VIRMA: variants seen among roughly 807,000 people sequenced by gnomAD.
VIRMA encodes the protein vir like m6A methyltransferase associated.
In VIRMA, 65 loss-of-function variants were observed where a neutral mutation model predicts 182.4. The ratio of observed to expected loss-of-function variants is 0.36; its 90% CI spans 0.29 to 0.44. The LOEUF is 0.44. Ranked by LOEUF, VIRMA falls within the 20% of genes least tolerant of loss-of-function variation. The pLI, the probability that VIRMA is intolerant of heterozygous loss-of-function variation, is 1.00. For missense variants in VIRMA, 1,752 were observed against 2,158.1 expected (o/e 0.81, Z 3.73); for synonymous variants, 709 against 743.1 (o/e 0.95, Z 0.75).
In VIRMA at chr8:94,527,087, G is replaced by A. The variant is rs761631473; in HGVS notation, c.1157C>T (p.Thr386Ile). The A allele has an allele frequency of 6.2e-7, 1 of 1,614,132 alleles. No individual in the cohort carries two copies. Among genetic ancestry groups the A allele is most frequent in the Non-Finnish European group, 8.5e-7 (1 of 1,180,014 alleles). ...TTCTCTATACAAATCTAAGAGTTCTGTTAACTTCACTGAGGCTTCGATTGC... is the reference window on the plus strand; with the variant it reads ...TTCTCTATACAAATCTAAGAGTTCTATTAACTTCACTGAGGCTTCGATTGC... ...SGAIEASVKL[T>I]ELLDLYREDR... The change falls in exon 8 of 24, where the codon ACA becomes ATA. Residue 386 changes from threonine to isoleucine, a missense_variant. By Grantham distance (89) the Thr-to-Ile change is moderately conservative (BLOSUM62 -1). Around this residue, in one of 11 missense-constraint regions of VIRMA, gnomAD observed 401 missense variants for 455.1 expected, o/e 0.88. Transcript: ENST00000297591.
At chr8:94,531,234 G>A in intron 5 of VIRMA, 149 bp from the exon 6 acceptor site, 1 of 858,408 alleles carries the variant, frequency 1.2e-6, no homozygotes, top group South Asian at 2.7e-5. Flanking sequence ...TGCAAAATCT[G>A]CATATATATA....
chr8:94,491,996 G>T (rs3098725), intron 21 of VIRMA, 87 bp from the exon 22 acceptor site: 4 of 1,032,310 alleles, frequency 3.9e-6, no homozygotes, highest in South Asian at 4.4e-5. Flanking sequence ...TTATATTTCA[G>T]TTTTTTTGTA....
intron 16 of VIRMA, among the ~76,000 whole-genome samples, chr8:94,502,420 T>C (rs890790106): frequency 6.6e-5 from 10 of 151,470 alleles, no homozygotes; most frequent in African/African-American, 2.4e-4. Flanking sequence ...ATTAATAAAT[T>C]TATTGTTTTA....
chr8:94,526,158 C>T (rs910988176), intron 8 of VIRMA, 65 bp downstream of exon 8: 2 of 1,311,230 alleles, frequency 1.5e-6, no homozygotes, highest in African/African-American at 3.0e-5. Context: ...AAAGCAAAAT[C>T]AACCACATAA....
At chr8:94,548,715 G>A (rs982735622) in intron 1 of VIRMA, among the ~76,000 whole-genome samples, 1 of 151,998 alleles carries the variant, frequency 6.6e-6, no homozygotes, top group African/African-American at 2.4e-5. Flanking sequence ...GAGTGCAGTG[G>A]CACGATCTAG....
At chr8:94,503,845 T>C (rs919705046) in intron 16 of VIRMA, among the ~76,000 whole-genome samples, 45 of 151,690 alleles carry the variant, frequency 3.0e-4, no homozygotes, top group Admixed American at 1.6e-3. Flanking sequence ...AAAAAGTATA[T>C]GGTGACCTGT....
chr8:94,518,059 GACTA>G (rs1273811286), intron 9 of VIRMA, 117 bp from the exon 10 acceptor site: 18 of 649,268 alleles, frequency 2.8e-5, no homozygotes, highest in Admixed American at 1.2e-4. Context: ...AATAAAACAT[GACTA>G]ACTGTCTGAA....
intron 16 of VIRMA, 89 bp from the exon 17 acceptor site, chr8:94,499,595 T>A: frequency 1.1e-6 from 1 of 882,870 alleles, no homozygotes; most frequent in Non-Finnish European, 1.6e-6. Context: ...TCAGACAGAA[T>A]AAAACTTACT....
At chr8:94,491,996 G>A (rs3098725) in intron 21 of VIRMA, 87 bp from the exon 22 acceptor site, 589,088 of 1,029,444 alleles carry the variant, frequency 0.57, 172,556 homozygotes, top group East Asian at 0.81. Flanking sequence ...TTATATTTCA[G>A]TTTTTTTGTA....
chr8:94,531,049 G>T lies in VIRMA; in HGVS notation c.521C>A (p.Pro174His). 5 of 1,593,440 alleles carry T rather than the reference G, an allele frequency of 3.1e-6. No individual in the cohort carries two copies. Among genetic ancestry groups the T allele is most frequent in the Non-Finnish European group, 4.3e-6 (5 of 1,171,820 alleles). The change falls in exon 6 of 24, where the codon CCT (proline) becomes CAT (histidine). Residue 174 changes from proline to histidine, a missense_variant. Coordinates refer to ENST00000297591, the MANE Select transcript of VIRMA (RefSeq NM_015496.5). ...GEKEDQFNGS[P>H]PRPQPRGPRT... ...TGGTCCCCTTGGCTGTGGTCTTGGA[G>T]GGCTTCCATTAAACTGATCTTCTTT...
chr8:94,494,180 TGTG>T (rs1310872794), intron 20 of VIRMA, among the ~76,000 whole-genome samples: 17 of 152,314 alleles, frequency 1.1e-4, no homozygotes, highest in African/African-American at 4.1e-4. Context: ...TCTGGCCAAA[TGTG>T]GTGGCTCACG....
At chr8:94,534,238 A>C (rs10090029) in intron 5 of VIRMA, 6,076 of 152,384 alleles carry the variant, frequency 0.04, 134 homozygotes, top group Non-Finnish European at 0.05. Flanking sequence ...TCTTGAAAAA[A>C]AAATGTCATT....
At position 94,496,508 on chromosome 8, in the gene VIRMA, T is replaced by G. The variant is rs200591653; in HGVS notation, c.4231-28A>C. 5 of 1,586,918 alleles carry G rather than the reference T, an allele frequency of 3.2e-6. No individual in the cohort carries two copies. The East Asian group carries it at 1.1e-4, about 36-fold the overall frequency. On this transcript the variant is annotated intron_variant, in intron 17 of 23. Coordinates refer to ENST00000297591, the MANE Select transcript of VIRMA (RefSeq NM_015496.5). ...GTAAATGTCACACATAAGTTAAATT[T>G]GAGAACAGAGAAATTTACAAAGATG...
chr8:94,511,157 T>C lies in VIRMA; in HGVS notation c.3390+28A>G, dbSNP rs140440431. ...TAAAAAGTGTTACTGCAGTCATTTA[T>C]AAGATGCATGTTATATGGAAGTGAT... On this transcript the variant is annotated intron_variant, in intron 13 of 23. Transcript: ENST00000297591. 1,519 of 1,596,072 alleles carry C rather than the reference T, an allele frequency of 9.5e-4. 19 individuals are homozygous for C. In the East Asian group the frequency reaches 0.019, roughly 20 times the overall value.
chr8:94,535,998 T>C (rs1380499690), intron 4 of VIRMA, among the ~76,000 whole-genome samples: 2 of 152,108 alleles, frequency 1.3e-5, no homozygotes, highest in Non-Finnish European at 2.9e-5. Context: ...TTTTAAGAAA[T>C]AAGAAAACCA....
At chr8:94,502,849 T>C (rs908948141) in intron 16 of VIRMA, among the ~76,000 whole-genome samples, 2 of 151,928 alleles carry the variant, frequency 1.3e-5, no homozygotes, top group African/African-American at 4.8e-5. Flanking sequence ...AAGTAAAATT[T>C]TACAAATATA....
Position 94,519,092 on chromosome 8 carries a change from A to C in VIRMA, c.2406T>G (p.Ile802Met). 6.2e-7 allele frequency: 1 copy of C among 1,613,866 alleles called. No individual in the cohort carries two copies. The highest frequency in any genetic ancestry group is 8.5e-7 in the Non-Finnish European group (1 of 1,179,946). Residue 802 changes from isoleucine to methionine, a missense_variant, in exon 9 of 24, where the codon ATT becomes ATG. By Grantham distance (10) the Ile-to-Met change is conservative. Around this residue, in one of 11 missense-constraint regions of VIRMA, gnomAD observed 45 missense variants for 91.0 expected, o/e 0.49. Coordinates refer to ENST00000297591, the MANE Select transcript of VIRMA (RefSeq NM_015496.5). The stretch of plus-strand genomic sequence containing the variant: ...CTGATCTTCCCACAGGATTAAAAGT[A>C]ATCAAATAAAGATTGTGCAGGGTTC... The part of the protein sequence containing the change: ...LLGTLHNLYL[I>M]TFNPVGRSAV...
At chr8:94,490,746 T>C (rs1459806877) in intron 22 of VIRMA, among the ~76,000 whole-genome samples, 11 of 150,264 alleles carry the variant, frequency 7.3e-5, no homozygotes, top group South Asian at 2.1e-4. Context: ...ACTCGGGAGG[T>C]TGAAGCAGGA....
intron 5 of VIRMA, among the ~76,000 whole-genome samples, chr8:94,532,109 A>ATGTTT (rs1236610354): frequency 6.6e-6 from 1 of 151,918 alleles, no homozygotes; most frequent in African/African-American, 2.4e-5. Flanking sequence ...GTTTCTTTTT[A>ATGTTT]TGTTTTGTTT....
Sources: allele counts gnomAD v4.1 joint callset (sites outside exome capture counted in the v4.1 genomes callset), GRCh38; gene constraint gnomAD v4.1.1; regional missense constraint gnomAD v4.1.1; transcripts MANE v1.5; gene names NCBI Gene and HGNC (gene_info 2026-07-23, HGNC 2026-07-21).